NAALADL2: variants seen among roughly 807,000 people sequenced by gnomAD.
NAALADL2 encodes the protein inactive N-acetylated-alpha-linked acidic dipeptidase-like protein 2.
Under a neutral mutation model 87.2 loss-of-function variants are expected in NAALADL2, and 76 were observed. The ratio of observed to expected loss-of-function variants is 0.87; its 90% CI spans 0.72 to 1.05. The LOEUF (loss-of-function observed/expected upper bound fraction) is 1.05. Among genes scored for constraint, NAALADL2 ranks in the 50% least tolerant of loss-of-function variants. The pLI, the probability that NAALADL2 is intolerant of heterozygous loss-of-function variation, is 0.00. For missense variants in NAALADL2, 1,089 were observed against 945.8 expected, an observed-to-expected ratio of 1.15 and a Z score of -1.99; for synonymous variants, 354 against 331.0, an observed-to-expected ratio of 1.07 and a Z score of -0.75.
chr3:175,096,903 G>T lies in NAALADL2; in HGVS notation c.157G>T (p.Glu53Ter). 1 of 1,613,466 alleles carries T rather than the reference G, an allele frequency of 6.2e-7. No homozygotes were observed. Among genetic ancestry groups the T allele is most frequent in the Non-Finnish European group, 8.5e-7 (1 of 1,179,650 alleles). ...TGCCCTTGACTTAGAGTGGGACATG[G>T]AGAAGGAACTAGAGGAGTCTGGTTT... ...ATALDLEWDM[E>*]KELEESGFDQ... The change falls in exon 2 of 14, where the codon GAG becomes TAG. Residue 53 changes from glutamate to a stop codon, truncating the protein, a stop_gained. Coordinates refer to ENST00000454872, the MANE Select transcript of NAALADL2 (RefSeq NM_207015.3). LOFTEE classifies it high-confidence loss of function.
At chr3:174,460,696 A>AT (rs574383417) in intron 1 of NAALADL2, among the ~76,000 whole-genome samples, 4 of 151,638 alleles carry the variant, frequency 2.6e-5, no homozygotes, top group East Asian at 1.9e-4. Flanking sequence ...TATAAACGTA[A>AT]TTTTTTTTGA....
chr3:175,805,558 G>T lies in NAALADL2; in HGVS notation c.*2355G>T, dbSNP rs1754627949. On this transcript the variant is annotated 3_prime_UTR_variant, in exon 14 of 14. Transcript: ENST00000454872. The stretch of plus-strand genomic sequence containing the variant: ...ATTTCTATAGTGTGATTACCTGAGG[G>T]TGCCTCCAAATGTATATCATTTCAC... 1 of 151,566 alleles carries T rather than the reference G, an allele frequency of 6.6e-6. No individual in the cohort carries two copies. The highest frequency in any genetic ancestry group is 1.5e-5 in the Non-Finnish European group (1 of 67,780). 9.4% of individuals were successfully genotyped at this position (151,566 alleles called of 1,614,324 possible).
intron 2 of NAALADL2, among the ~76,000 whole-genome samples, chr3:175,117,589 T>C (rs1725463252): frequency 6.7e-6 from 1 of 150,228 alleles, no homozygotes; most frequent in Admixed American, 6.6e-5. Context: ...CCAGTTAGAA[T>C]GGCGATCATT....
intron 2 of NAALADL2, among the ~76,000 whole-genome samples, chr3:175,129,474 C>T (rs569944094): frequency 2.0e-5 from 3 of 152,218 alleles, no homozygotes; most frequent in Admixed American, 6.5e-5. Context: ...CTCCCCATTC[C>T]CCACCCCTGT....
chr3:175,487,078 A>G (rs1230728823), intron 9 of NAALADL2, among the ~76,000 whole-genome samples: 1 of 152,088 alleles, frequency 6.6e-6, no homozygotes, highest in East Asian at 1.9e-4. Context: ...CTTAGAGTAA[A>G]AGCCAAAGTC....
chr3:175,465,437 G>A (rs1344636283), intron 7 of NAALADL2, among the ~76,000 whole-genome samples: 1 of 149,032 alleles, frequency 6.7e-6, no homozygotes, highest in Non-Finnish European at 1.5e-5. Context: ...AACATTTGCA[G>A]ACACACTCTC....
At chr3:175,750,588 T>C (rs2150122565) in intron 12 of NAALADL2, among the ~76,000 whole-genome samples, 1 of 152,270 alleles carries the variant, frequency 6.6e-6, no homozygotes, top group East Asian at 1.9e-4. Flanking sequence ...ACATTAATAA[T>C]GTTTAAAAAT....
intron 2 of NAALADL2, among the ~76,000 whole-genome samples, chr3:174,702,362 T>A (rs1452790075): frequency 1.3e-5 from 2 of 152,174 alleles, no homozygotes; most frequent in Non-Finnish European, 2.9e-5. Context: ...TATTTATTAA[T>A]CTATCTGTCA....
chr3:174,614,282 T>C (rs1269761770), intron 2 of NAALADL2, among the ~76,000 whole-genome samples: 2 of 152,172 alleles, frequency 1.3e-5, no homozygotes, highest in Non-Finnish European at 2.9e-5. Flanking sequence ...TTTTGTATCC[T>C]TGTAGCCTTG....
intron 2 of NAALADL2, among the ~76,000 whole-genome samples, chr3:175,206,410 G>A (rs930974214): frequency 2.0e-5 from 3 of 151,084 alleles, no homozygotes; most frequent in African/African-American, 7.3e-5. Context: ...AACAGCATTT[G>A]CAGCTACCTG....
intron 9 of NAALADL2, among the ~76,000 whole-genome samples, chr3:175,539,520 G>A (rs1159598372): frequency 2.0e-5 from 3 of 151,766 alleles, no homozygotes; most frequent in Non-Finnish European, 1.5e-5. Context: ...TTTAGGTTCA[G>A]AGGTACAGGT....
At chr3:174,909,605 G>T (rs993928215) in intron 1 of NAALADL2, among the ~76,000 whole-genome samples, 4 of 152,108 alleles carry the variant, frequency 2.6e-5, no homozygotes, top group Admixed American at 6.6e-5. Context: ...GGATTGTGTG[G>T]TGGGTTAGTG....
chr3:175,772,649 G>T (rs997626840), intron 13 of NAALADL2, among the ~76,000 whole-genome samples: 18 of 152,150 alleles, frequency 1.2e-4, no homozygotes, highest in African/African-American at 4.1e-4. Context: ...AGTTACACAG[G>T]GTTCCGTCTT....
chr3:175,652,263 G>A (rs1730861472), intron 11 of NAALADL2, among the ~76,000 whole-genome samples: 1 of 152,038 alleles, frequency 6.6e-6, no homozygotes, highest in Admixed American at 6.5e-5. Context: ...ATATGGGGAG[G>A]CAGTGAAGGT....
chr3:174,977,185 T>C (rs1560433283), intron 1 of NAALADL2, among the ~76,000 whole-genome samples: 1 of 152,114 alleles, frequency 6.6e-6, no homozygotes, highest in Non-Finnish European at 1.5e-5. Flanking sequence ...AATCCAAAAA[T>C]GTTGAACTCA....
intron 1 of NAALADL2, among the ~76,000 whole-genome samples, chr3:175,090,729 C>T (rs904933270): frequency 2.6e-5 from 4 of 152,154 alleles, no homozygotes; most frequent in African/African-American, 9.6e-5. Context: ...ATCCACTATG[C>T]CTAAATTCAG....
chr3:174,883,056 C>T (rs756942331), intron 1 of NAALADL2, among the ~76,000 whole-genome samples: 34 of 151,938 alleles, frequency 2.2e-4, no homozygotes, highest in Non-Finnish European at 4.3e-4. Flanking sequence ...GTCCGATGTT[C>T]AAGGGCAGGA....
chr3:175,184,913 C>A (rs1275844187), intron 2 of NAALADL2, among the ~76,000 whole-genome samples: 1 of 152,008 alleles, frequency 6.6e-6, no homozygotes, highest in African/African-American at 2.4e-5. Context: ...AATAATTGCC[C>A]CACCACAAAT....
intron 1 of NAALADL2, among the ~76,000 whole-genome samples, chr3:174,865,875 T>C (rs1406726995): frequency 4.6e-5 from 7 of 151,918 alleles, no homozygotes; most frequent in Middle Eastern, 3.4e-3. Flanking sequence ...TTGCTTTATT[T>C]CCCCCCTCTT....
Sources: gnomAD v4.1 joint callset for allele counts (sites outside exome capture counted in the v4.1 genomes callset) on GRCh38, gnomAD v4.1.1 for gene constraint, MANE v1.5 for transcripts, NCBI Gene and HGNC (gene_info 2026-07-23, HGNC 2026-07-21) for gene names.